The following LTA4H variants were observed in gnomAD, a reference collection of about 807,000 sequenced individuals.
The protein encoded by LTA4H is leukotriene A4 hydrolase.
In LTA4H, 59 loss-of-function variants were observed where a neutral mutation model predicts 89.8. The ratio of observed to expected loss-of-function variants is 0.66; its 90% CI spans 0.53 to 0.82. LTA4H has a LOEUF of 0.82. Among genes scored for constraint, LTA4H ranks in the 40% least tolerant of loss-of-function variants. LTA4H has a pLI of 0.00. For synonymous variants in LTA4H, 227 were observed against 253.1 expected (o/e 0.90, Z 0.98); for missense variants, 617 against 727.0 (o/e 0.85, Z 1.74).
At chr12:96,003,189 C>CAG in intron 17 of LTA4H, 125 bp from the exon 18 acceptor site, 1 of 584,168 alleles carries the variant, frequency 1.7e-6, no homozygotes, top group African/African-American at 1.9e-5. Context: ...CTGTACACCA[C>CAG]TTTATGGTAT....
intron 1 of LTA4H, among the ~76,000 whole-genome samples, chr12:96,034,285 T>C (rs1329575016): frequency 2.0e-5 from 3 of 152,244 alleles, no homozygotes; most frequent in African/African-American, 7.2e-5. Context: ...ACCCTCTTAT[T>C]TTTAAAATGA....
At chr12:96,016,298 CAAAAAAAAAA>C (rs762615863) in intron 10 of LTA4H, among the ~76,000 whole-genome samples, 1 of 55,598 alleles carries the variant, frequency 1.8e-5, no homozygotes, top group Admixed American at 2.1e-4. Context: ...GACTCCATCT[CAAAAAAAAAA>C]AAAAAAAAAA....
chr12:96,008,120 A>T (rs1046152118), intron 15 of LTA4H, among the ~76,000 whole-genome samples: 2 of 152,218 alleles, frequency 1.3e-5, no homozygotes, highest in African/African-American at 2.4e-5. Flanking sequence ...TGATGGGATC[A>T]ATCATACCCC....
chr12:96,035,678 T>G, upstream of LTA4H: 3 of 1,420,912 alleles, frequency 2.1e-6, no homozygotes, highest in Non-Finnish European at 2.8e-6. Context: ...AGACGAGCGT[T>G]GGGGGATGGG....
At chr12:96,026,533 T>G (rs1323467358) in intron 3 of LTA4H, among the ~76,000 whole-genome samples, 1 of 152,224 alleles carries the variant, frequency 6.6e-6, no homozygotes. Context: ...GTGCAATTTG[T>G]ACACTCTTGC....
At chr12:96,006,218 G>T in intron 16 of LTA4H, 96 bp downstream of exon 16, 2 of 638,144 alleles carry the variant, frequency 3.1e-6, no homozygotes, top group South Asian at 4.5e-5. Context: ...TTCCCCATTA[G>T]TTTCCACATT....
intron 10 of LTA4H, 76 bp from the exon 11 acceptor site, chr12:96,015,770 T>C: frequency 9.6e-7 from 1 of 1,039,900 alleles, no homozygotes; most frequent in East Asian, 2.5e-5. Context: ...TATTTTCTTT[T>C]TGGCTTTTCT....
At chr12:96,033,995 G>C (rs536274194) in intron 1 of LTA4H, among the ~76,000 whole-genome samples, 1 of 152,318 alleles carries the variant, frequency 6.6e-6, no homozygotes, top group Admixed American at 6.5e-5. Flanking sequence ...TCAGTACATA[G>C]AGGAATCGAC....
rs148100914 is a variant in LTA4H at position 96,029,120 on chromosome 12, A to G, written c.225T>C (p.Ala75=). The G allele has an allele frequency of 5.4e-4, 858 of 1,595,836 alleles. 5 individuals carry two copies. In the African/African-American group the frequency reaches 9.6e-3, roughly 18 times the overall value. Residue 75 remains alanine, a synonymous_variant, in exon 2 of 19, where the codon GCT becomes GCC. Coordinates refer to ENST00000228740, the MANE Select transcript of LTA4H (RefSeq NM_000895.3). ...CCTTGTAACTTTGTCTTTCTCCAAG[A>G]GCATATTTGACTTCTTGTCCATTGA... ...VVINGQEVKY[A]LGERQSYKGS...
chr12:96,002,215 A>G (rs1229715217), intron 18 of LTA4H, among the ~76,000 whole-genome samples: 2 of 152,192 alleles, frequency 1.3e-5, no homozygotes, highest in East Asian at 3.8e-4. Flanking sequence ...TCAAAGCTAG[A>G]TGGGTTTTAA....
chr12:96,000,884 A>C lies in LTA4H; in HGVS notation c.*105T>G. The stretch of plus-strand genomic sequence containing the variant: ...TAAAATCACCAACAAAACAATAAAA[A>C]GCCAAAACTAAAAAGACAGTTTTAA... On this transcript the variant is annotated 3_prime_UTR_variant, in exon 19 of 19. Coordinates refer to ENST00000228740, the MANE Select transcript of LTA4H (RefSeq NM_000895.3). 1.3e-6 allele frequency: 1 copy of C among 790,040 alleles called. No individual in the cohort carries two copies. Among genetic ancestry groups the C allele is most frequent in the Non-Finnish European group, 2.1e-6 (1 of 477,722 alleles). The allele number at this position is 790,040 out of a possible 1,614,324, so 48.9% of individuals were successfully genotyped here. A position where few individuals can be genotyped will look rare whatever the true frequency, so the allele number is the denominator to read the frequency against.
At chr12:96,029,522 A>G (rs886142534) in intron 1 of LTA4H, among the ~76,000 whole-genome samples, 1 of 152,164 alleles carries the variant, frequency 6.6e-6, no homozygotes, top group Non-Finnish European at 1.5e-5. Flanking sequence ...CTATAACTTA[A>G]GTTTCTTTCA....
intron 3 of LTA4H, 137 bp downstream of exon 3, chr12:96,027,307 T>A: frequency 1.6e-6 from 1 of 641,324 alleles, no homozygotes; most frequent in Middle Eastern, 2.9e-4. Flanking sequence ...ATTCATCTTA[T>A]ATGTTTCTAT....
chr12:96,001,436 G>C (rs1394737561), intron 18 of LTA4H, among the ~76,000 whole-genome samples: 1 of 152,142 alleles, frequency 6.6e-6, no homozygotes, highest in Non-Finnish European at 1.5e-5. Context: ...GGAAGGGCTA[G>C]AGTGGCTGGG....
Position 96,017,584 on chromosome 12 carries a change from C to A in LTA4H, c.853-4G>T. 6.2e-7 allele frequency: 1 copy of A among 1,607,064 alleles called. No individual in the cohort carries two copies. On this transcript the variant is annotated splice_region_variant and splice_polypyrimidine_tract_variant and intron_variant, in intron 8 of 18. Coordinates refer to ENST00000228740, the MANE Select transcript of LTA4H (RefSeq NM_000895.3). ...TGGAGAGTGACTTGTCGCCTGCCTA[C>A]AAAAAAAGAAAATTACCTTAGTATT...
Position 96,035,342 on chromosome 12 carries a change from GGCAGGC to G in LTA4H, c.159+13_159+18del, listed in dbSNP as rs771980899. 6.9e-6 allele frequency: 11 copies of G among 1,583,556 alleles called. No homozygotes were observed. In the South Asian group the frequency reaches 1.1e-4, roughly 16 times the overall value. ...GGGAGCCCGGGAGAGGCGGGCACTG[GGCAGGC>G]GCCCCACTGTACCAGGCTGCGCAGA... On this transcript the variant is annotated intron_variant, in intron 1 of 18. Transcript: ENST00000228740.
rs539458252 is a variant in LTA4H at position 96,016,143 on chromosome 12, G to A, written c.948-449C>T. 9.8e-4 allele frequency among the ~76,000 whole-genome samples: 148 copies of A among 150,308 alleles called. 1 individual carries two copies. Among genetic ancestry groups the A allele is most frequent in the Middle Eastern group, 3.4e-3 (1 of 290 alleles). On this transcript the variant is annotated intron_variant, in intron 10 of 18. Transcript: ENST00000228740. ...AGCCTGGCCAACATGGTGAAACCCC[G>A]TCTCTACTAAAAATACAAAAATGAG...
chr12:96,024,452 A>C (rs370764790), intron 4 of LTA4H, 27 bp downstream of exon 4: 3 of 1,360,820 alleles, frequency 2.2e-6, no homozygotes, highest in Non-Finnish European at 3.2e-6. Flanking sequence ...GCATCATTTA[A>C]TTGAGTTAAT....
At position 96,035,487 on chromosome 12, in the gene LTA4H, G is replaced by A. The variant is rs1250360341; in HGVS notation, c.33C>T (p.Ala11=). ...TGGTCCGGCAGACGGAAGCCGGAGA[G>A]GCCAACGAACAGGTATCCACTATCT... MPEIVDTCSL[A]SPASVCRTKH... The change falls in exon 1 of 19, where the codon GCC becomes GCT. Residue 11 remains alanine (A), a synonymous_variant. Coordinates refer to ENST00000228740, the MANE Select transcript of LTA4H (RefSeq NM_000895.3). 3.1e-6 allele frequency: 5 copies of A among 1,608,808 alleles called. No individual in the cohort carries two copies. Among genetic ancestry groups the A allele is most frequent in the South Asian group, 1.1e-5 (1 of 89,976 alleles).
Sources: gnomAD v4.1 joint callset for allele counts (sites outside exome capture counted in the v4.1 genomes callset) on GRCh38, gnomAD v4.1.1 for gene constraint, MANE v1.5 for transcripts, NCBI Gene and HGNC (gene_info 2026-07-23, HGNC 2026-07-21) for gene names.